The following IP6K1 variants were observed in gnomAD, a reference collection of about 807,000 sequenced individuals.
IP6K1 encodes the protein inositol hexakisphosphate kinase 1.
A neutral mutation model predicts 38.3 loss-of-function variants in IP6K1; 13 were observed. The ratio of observed to expected loss-of-function variants is 0.34; its 90% CI spans 0.22 to 0.54. IP6K1 has a LOEUF of 0.54. Ranked by LOEUF, IP6K1 falls within the 20% of genes least tolerant of loss-of-function variation. IP6K1 has a pLI of 0.92. For synonymous variants in IP6K1, 212 were observed against 229.9 expected, an observed-to-expected ratio of 0.92 and a Z score of 0.70; for missense variants, 397 against 599.8, an observed-to-expected ratio of 0.66 and a Z score of 3.53.
At position 49,738,288 on chromosome 3, in the gene IP6K1, G is replaced by A. The variant is rs752712757; in HGVS notation, c.358C>T (p.Arg120Trp). ...REQPRRKHSR[R>W]SLHRSGSGSD... ...CCACTGCCTGACCGGTGCAGGCTCC[G>A]GCGGGAGTGTTTGCGCCGAGGTTGC... The change falls in exon 3 of 6, where the codon CGG becomes TGG. Residue 120 changes from arginine to tryptophan, a missense_variant. Around this residue, in one of 3 missense-constraint regions of IP6K1, gnomAD observed 171 missense variants for 237.0 expected, o/e 0.72. Coordinates refer to ENST00000321599, the MANE Select transcript of IP6K1 (RefSeq NM_153273.4). The A allele has an allele frequency of 3.7e-6, 6 of 1,614,196 alleles. No homozygotes were observed. Among genetic ancestry groups the A allele is most frequent in the Non-Finnish European group, 4.2e-6 (5 of 1,180,036 alleles).
chr3:49,740,152 T>C (rs2080652966), intron 2 of IP6K1, among the ~76,000 whole-genome samples: 1 of 151,140 alleles, frequency 6.6e-6, no homozygotes, highest in African/African-American at 2.4e-5. Flanking sequence ...ACCCTGTCTC[T>C]ATAAAATATA....
At chr3:49,757,697 G>A (rs1409862111) in intron 1 of IP6K1, among the ~76,000 whole-genome samples, 1 of 152,068 alleles carries the variant, frequency 6.6e-6, no homozygotes, top group African/African-American at 2.4e-5. Context: ...TCCAGCCTGG[G>A]TAACAAAGTG....
rs1575298448 is a variant in IP6K1, at chr3:49,724,458, G to C, written c.*2664C>G. 1 of 152,388 alleles carries C rather than the reference G, an allele frequency of 6.6e-6. No homozygotes were observed. Among genetic ancestry groups the C allele is most frequent in the African/African-American group, 2.4e-5 (1 of 41,586 alleles). 9.4% of individuals were successfully genotyped at this position (152,388 alleles called of 1,614,324 possible). On this transcript the variant is annotated 3_prime_UTR_variant, in exon 6 of 6. Transcript: ENST00000321599. ...GGCGGGAGCCACCGGCGCAGGCCTCGGGCGGTGGAGACAGGCTTAGCTTCC... is the reference window on the plus strand; with the variant it reads ...GGCGGGAGCCACCGGCGCAGGCCTCCGGCGGTGGAGACAGGCTTAGCTTCC...
chr3:49,775,490 T>A (rs2080999408), intron 1 of IP6K1: 2 of 686,200 alleles, frequency 2.9e-6, no homozygotes, highest in Admixed American at 5.0e-5. Flanking sequence ...CTGGTGCCTA[T>A]TACTGTAAGG....
chr3:49,780,498 T>C (rs1259871733), intron 1 of IP6K1, among the ~76,000 whole-genome samples: 1 of 151,752 alleles, frequency 6.6e-6, no homozygotes, highest in South Asian at 2.1e-4. Context: ...GAAACAAGAG[T>C]GTACTGTGCG....
intron 2 of IP6K1, among the ~76,000 whole-genome samples, chr3:49,746,639 C>T (rs1245848530): frequency 2.0e-5 from 3 of 148,296 alleles, no homozygotes; most frequent in African/African-American, 7.5e-5. Context: ...CGCGCCACTG[C>T]ACTCTAGCCT....
At chr3:49,757,324 T>C (rs2080832653) in intron 1 of IP6K1, among the ~76,000 whole-genome samples, 1 of 152,210 alleles carries the variant, frequency 6.6e-6, no homozygotes, top group Admixed American at 6.5e-5. Flanking sequence ...GGGGACAAGT[T>C]GACAGGACTA....
chr3:49,735,339 G>C (rs1189668385), intron 3 of IP6K1, among the ~76,000 whole-genome samples: 1 of 152,182 alleles, frequency 6.6e-6, no homozygotes, highest in Non-Finnish European at 1.5e-5. Context: ...TCTAGCCTGG[G>C]TGACAGAGCA....
chr3:49,738,266 C>A lies in IP6K1; in HGVS notation c.380G>T (p.Ser127Ile). Residue 127 changes from serine (S) to isoleucine (I), a missense_variant, in exon 3 of 6, where the codon AGT (serine) becomes ATT (isoleucine). Coordinates refer to ENST00000321599, the MANE Select transcript of IP6K1 (RefSeq NM_153273.4). ...TTTCTCCTCCTTGTGGTCACTGCCACTGCCTGACCGGTGCAGGCTCCGGCG... is the reference window on the plus strand; with the variant it reads ...TTTCTCCTCCTTGTGGTCACTGCCAATGCCTGACCGGTGCAGGCTCCGGCG... ...HSRRSLHRSG[S>I]GSDHKEEKAS... The A allele has an allele frequency of 6.2e-7, 1 of 1,614,250 alleles. No homozygotes were observed. Among genetic ancestry groups the A allele is most frequent in the Non-Finnish European group, 8.5e-7 (1 of 1,180,044 alleles).
chr3:49,724,572 CATT>C lies in IP6K1; in HGVS notation c.*2547_*2549del, dbSNP rs2080479075. The C allele has an allele frequency of 6.6e-6, 1 of 152,442 alleles. No homozygotes were observed. Among genetic ancestry groups the C allele is most frequent in the Non-Finnish European group, 1.5e-5 (1 of 68,048 alleles). 9.4% of individuals were successfully genotyped at this position (152,442 alleles called of 1,614,324 possible). On this transcript the variant is annotated 3_prime_UTR_variant, in exon 6 of 6. Coordinates refer to ENST00000321599, the MANE Select transcript of IP6K1 (RefSeq NM_153273.4). ...GAACCAGGTCCTTCCCAGGGTTCTC[CATT>C]ATTTTTTCCTCATTAAAATATATTT...
At chr3:49,740,862 T>C (rs909762965) in intron 2 of IP6K1, among the ~76,000 whole-genome samples, 2 of 151,614 alleles carry the variant, frequency 1.3e-5, no homozygotes, top group African/African-American at 2.4e-5. Flanking sequence ...TTTTCTTTTT[T>C]TTTTTTTTTG....
intron 1 of IP6K1, among the ~76,000 whole-genome samples, chr3:49,765,831 C>G (rs1342304091): frequency 6.6e-6 from 1 of 151,390 alleles, no homozygotes; most frequent in Non-Finnish European, 1.5e-5. Context: ...TCACTTGAGA[C>G]CAGGAGTTCA....
intron 1 of IP6K1, among the ~76,000 whole-genome samples, chr3:49,767,153 G>C (rs1433226383): frequency 1.3e-5 from 2 of 151,546 alleles, no homozygotes; most frequent in Non-Finnish European, 2.9e-5. Flanking sequence ...GCTCATACCA[G>C]TAGTCTCGGC....
At chr3:49,738,524 C>A in intron 2 of IP6K1, 102 bp from the exon 3 acceptor site, 1 of 867,756 alleles carries the variant, frequency 1.2e-6, no homozygotes, top group South Asian at 1.4e-5. Flanking sequence ...GAAGACATCA[C>A]CTGCCCTGAA....
At chr3:49,747,047 A>C (rs1306878169) in intron 2 of IP6K1, among the ~76,000 whole-genome samples, 1 of 152,230 alleles carries the variant, frequency 6.6e-6, no homozygotes, top group African/African-American at 2.4e-5. Context: ...TATGTTATGT[A>C]CATTTTACCA....
chr3:49,781,890 C>T (rs2081068800), intron 1 of IP6K1, among the ~76,000 whole-genome samples: 1 of 151,726 alleles, frequency 6.6e-6, no homozygotes, highest in African/African-American at 2.4e-5. Context: ...AGAGACCAGC[C>T]TGGGCAACAA....
intron 1 of IP6K1, among the ~76,000 whole-genome samples, chr3:49,782,806 T>C (rs1358967980): frequency 6.6e-6 from 1 of 151,128 alleles, no homozygotes; most frequent in Non-Finnish European, 1.5e-5. Context: ...TAAGAGACTG[T>C]CTCTTAAAAA....
chr3:49,774,916 G>A (rs1471745709), intron 1 of IP6K1, among the ~76,000 whole-genome samples: 3 of 151,604 alleles, frequency 2.0e-5, no homozygotes, highest in Non-Finnish European at 4.4e-5. Flanking sequence ...GCCAGTAGAA[G>A]ATGATCTAGT....
At chr3:49,773,244 A>C (rs768146512) in intron 1 of IP6K1, among the ~76,000 whole-genome samples, 10 of 152,166 alleles carry the variant, frequency 6.6e-5, no homozygotes, top group Non-Finnish European at 1.2e-4. Flanking sequence ...TCATGAAATT[A>C]CTCAAACTTA....
Sources: gnomAD v4.1 joint callset for allele counts (sites outside exome capture counted in the v4.1 genomes callset) on GRCh38, gnomAD v4.1.1 for gene constraint, gnomAD v4.1.1 regional missense constraint, MANE v1.5 for transcripts, NCBI Gene and HGNC (gene_info 2026-07-23, HGNC 2026-07-21) for gene names.